Variants in RAPGEF5 observed in about 807,000 individuals in gnomAD.
The protein encoded by RAPGEF5 is M-Ras-regulated GEF.
A neutral mutation model predicts 125.2 loss-of-function variants in RAPGEF5; 65 were observed. That is an observed-to-expected ratio of 0.52 (90% confidence interval 0.43 to 0.64). The LOEUF is 0.64. Ranked by LOEUF, RAPGEF5 falls within the 30% of genes least tolerant of loss-of-function variation. RAPGEF5 has a pLI of 0.00. For missense variants in RAPGEF5, 958 were observed against 1,048.1 expected (o/e 0.91, Z 1.19); for synonymous variants, 391 against 385.9 (o/e 1.01, Z -0.16).
chr7:22,196,742 G>A (rs552095787), intron 9 of RAPGEF5, among the ~76,000 whole-genome samples: 18 of 152,308 alleles, frequency 1.2e-4, no homozygotes, highest in Admixed American at 7.2e-4. Context: ...ATGAAGGAGC[G>A]GCTTTGGTGA....
rs548367050 is a variant in RAPGEF5, at chr7:22,206,067, G to C, written c.997-12034C>G. Among the ~76,000 whole-genome samples the C allele has an allele frequency of 5.9e-5, 9 of 152,208 alleles. No individual in the cohort carries two copies. In the South Asian group the frequency reaches 6.2e-4, roughly 11 times the overall value. ...TAAAATGGTGACATTTTCCCAGAAA[G>C]AGTTCAACACTCAAAAGCATGGATA... On this transcript the variant is annotated intron_variant, in intron 9 of 25. Transcript: ENST00000665637.
intron 6 of RAPGEF5, among the ~76,000 whole-genome samples, chr7:22,282,309 G>C (rs571851989): frequency 6.6e-6 from 1 of 152,034 alleles, no homozygotes; most frequent in African/African-American, 2.4e-5. Flanking sequence ...CTGATAACCA[G>C]TCTGAATAAA....
At position 22,119,146 on chromosome 7, in the gene RAPGEF5, G is replaced by T. The variant is rs902855818; in HGVS notation, c.*3260C>A. ...GAACAGACTCGCAGGGCTGGGATAT[G>T]GGTAGCAGTGAAAGCCCAGCTCCAG... On this transcript the variant is annotated 3_prime_UTR_variant, in exon 26 of 26. Coordinates refer to ENST00000665637, the MANE Select transcript of RAPGEF5 (RefSeq NM_012294.5). The surrounding 1 kb of genome is among the most constrained non-coding windows in gnomAD (Gnocchi z 4.1). The T allele has an allele frequency of 6.6e-6, 1 of 152,128 alleles. No homozygotes were observed. The highest frequency in any genetic ancestry group is 2.4e-5 in the African/African-American group (1 of 41,392). The allele number at this position is 152,128 out of a possible 1,614,324, so 9.4% of individuals were successfully genotyped here. A position where few individuals can be genotyped will look rare whatever the true frequency, so the allele number is the denominator to read the frequency against.
chr7:22,237,108 C>T (rs529023049), intron 7 of RAPGEF5, among the ~76,000 whole-genome samples: 4 of 152,372 alleles, frequency 2.6e-5, no homozygotes, highest in African/African-American at 7.2e-5. Context: ...CCAGCCCAAA[C>T]ACCAGCTCCT....
At chr7:22,241,388 CTAAA>C (rs1309758681) in intron 7 of RAPGEF5, among the ~76,000 whole-genome samples, 1 of 151,974 alleles carries the variant, frequency 6.6e-6, no homozygotes, top group Non-Finnish European at 1.5e-5. Flanking sequence ...AAATGAGCCA[CTAAA>C]TAAATAGAGG....
At chr7:22,260,307 C>T (rs1782118892) in intron 7 of RAPGEF5, among the ~76,000 whole-genome samples, 1 of 152,050 alleles carries the variant, frequency 6.6e-6, no homozygotes, top group African/African-American at 2.4e-5. Flanking sequence ...AATGGAGGTT[C>T]CGTTATTGTA....
Position 22,135,128 on chromosome 7 carries a change from G to A in RAPGEF5, c.2416+910C>T, listed in dbSNP as rs549864579. ...ATGGGAGGAAGTGGGGAATGAGGAT[G>A]GCCAGGCCAACCAGCAATCCAGTTC... On this transcript the variant is annotated intron_variant, in intron 23 of 25. Coordinates refer to ENST00000665637, the MANE Select transcript of RAPGEF5 (RefSeq NM_012294.5). Among the ~76,000 whole-genome samples the A allele has an allele frequency of 2.6e-5, 4 of 152,288 alleles. No homozygotes were observed. The South Asian group carries it at 8.3e-4, about 32-fold the overall frequency.
chr7:22,330,562 G>A (rs530821695), intron 1 of RAPGEF5, among the ~76,000 whole-genome samples: 22 of 152,288 alleles, frequency 1.4e-4, no homozygotes, highest in African/African-American at 4.1e-4. Context: ...ATCATTGTTC[G>A]GAGTGTCTTG....
At chr7:22,237,950 A>G (rs1433068992) in intron 7 of RAPGEF5, among the ~76,000 whole-genome samples, 1 of 152,238 alleles carries the variant, frequency 6.6e-6, no homozygotes. Flanking sequence ...ACATCATGAA[A>G]GGCATCCAGG....
intron 1 of RAPGEF5, among the ~76,000 whole-genome samples, chr7:22,320,040 G>A (rs1401742476): frequency 6.6e-6 from 1 of 152,176 alleles, no homozygotes; most frequent in Non-Finnish European, 1.5e-5. Context: ...TAAAGCAATG[G>A]GGTTCTTCTA....
chr7:22,238,957 C>G (rs1048940531), intron 7 of RAPGEF5, among the ~76,000 whole-genome samples: 21 of 152,072 alleles, frequency 1.4e-4, no homozygotes, highest in African/African-American at 5.1e-4. Flanking sequence ...ATAAATTGAA[C>G]AGAAATGAGG....
chr7:22,342,757 C>A (rs1784152601), intron 1 of RAPGEF5, among the ~76,000 whole-genome samples: 1 of 152,192 alleles, frequency 6.6e-6, no homozygotes, highest in South Asian at 2.1e-4. Context: ...CACCTTTGCT[C>A]CAGTTCCCAA....
intron 11 of RAPGEF5, among the ~76,000 whole-genome samples, chr7:22,171,224 C>T (rs1000014356): frequency 2.0e-5 from 3 of 151,966 alleles, no homozygotes; most frequent in South Asian, 2.1e-4. Flanking sequence ...GACTATTAGC[C>T]GACAATAGCC....
At chr7:22,292,928 T>A (rs1320387514) in intron 5 of RAPGEF5, among the ~76,000 whole-genome samples, 1 of 150,604 alleles carries the variant, frequency 6.6e-6, no homozygotes, top group Non-Finnish European at 1.5e-5. Flanking sequence ...CAAGAGAAGC[T>A]CTTGTATACG....
intron 25 of RAPGEF5, chr7:22,125,241 C>G (rs906637533): frequency 2.8e-5 from 5 of 180,298 alleles, no homozygotes; most frequent in African/African-American, 1.2e-4. Flanking sequence ...AGGTTAGGGG[C>G]AAGGTCACCC....
Position 22,354,722 on chromosome 7 carries a change from C to T in RAPGEF5, c.231+2108G>A, listed in dbSNP as rs138619450. Among the ~76,000 whole-genome samples, 139 of 152,152 alleles carry T rather than the reference C, an allele frequency of 9.1e-4. 1 individual carries two copies. The highest frequency in any genetic ancestry group is 3.4e-3 in the Middle Eastern group (1 of 294). ...GAAGAGGGAGCCCTCTCTTCCTCTG[C>T]GTTTACCAAGGGAAGGCCATGAGAG... On this transcript the variant is annotated intron_variant, in intron 1 of 25. Coordinates refer to ENST00000665637, the MANE Select transcript of RAPGEF5 (RefSeq NM_012294.5).
chr7:22,244,719 T>C (rs754624785), intron 7 of RAPGEF5, among the ~76,000 whole-genome samples: 6 of 152,090 alleles, frequency 3.9e-5, no homozygotes, highest in Non-Finnish European at 7.4e-5. Context: ...CCCCAGTCCG[T>C]AGAAAAACTG....
intron 6 of RAPGEF5, among the ~76,000 whole-genome samples, chr7:22,281,408 C>T (rs1448002203): frequency 1.3e-5 from 2 of 152,152 alleles, no homozygotes; most frequent in African/African-American, 4.8e-5. Flanking sequence ...GACAGGTTCT[C>T]ACTTTGTTGT....
rs149081083 is a variant in RAPGEF5 at position 22,219,629 on chromosome 7, C to G, written c.996+237G>C. On this transcript the variant is annotated intron_variant, in intron 9 of 25. Coordinates refer to ENST00000665637, the MANE Select transcript of RAPGEF5 (RefSeq NM_012294.5). ...GGATTCATATTTGCTTAAATGTATT[C>G]TCATATTTCTACATAATTTACTTTT... 1.9e-3 allele frequency among the ~76,000 whole-genome samples: 295 copies of G among 152,070 alleles called. 1 individual carries two copies. Among genetic ancestry groups the G allele is most frequent in the African/African-American group, 6.3e-3 (263 of 41,476 alleles).
Sources: gnomAD v4.1 joint callset for allele counts (sites outside exome capture counted in the v4.1 genomes callset) on GRCh38, gnomAD v4.1.1 for gene constraint, Gnocchi (gnomAD v3.1) non-coding constraint, MANE v1.5 for transcripts, NCBI Gene and HGNC (gene_info 2026-07-23, HGNC 2026-07-21) for gene names.